Variants in LIMCH1 observed in about 807,000 individuals in gnomAD.
The protein encoded by LIMCH1 is LIM and calponin homology domains-containing protein 1.
A neutral mutation model predicts 176.5 loss-of-function variants in LIMCH1; 113 were observed. That is an observed-to-expected ratio of 0.64 (90% CI 0.55 to 0.75). The LOEUF (loss-of-function observed/expected upper bound fraction) is 0.75, where lower values mean the gene tolerates loss of function less well. Among genes scored for constraint, LIMCH1 ranks in the 30% least tolerant of loss-of-function variants. The pLI, the probability that LIMCH1 is intolerant of heterozygous loss-of-function variation, is 0.00. For missense variants in LIMCH1, 1,674 were observed against 1,814.9 expected, an observed-to-expected ratio of 0.92 and a Z score of 1.41; for synonymous variants, 619 against 645.9, an observed-to-expected ratio of 0.96 and a Z score of 0.63.
chr4:41,456,554 G>A (rs1229360592), intron 1 of LIMCH1, among the ~76,000 whole-genome samples: 1 of 152,214 alleles, frequency 6.6e-6, no homozygotes, highest in Non-Finnish European at 1.5e-5. Flanking sequence ...CGCTAAGGCA[G>A]AGGGAGGGAG....
chr4:41,588,650 C>T (rs1437097712), intron 1 of LIMCH1, among the ~76,000 whole-genome samples: 1 of 152,186 alleles, frequency 6.6e-6, no homozygotes, highest in African/African-American at 2.4e-5. Flanking sequence ...AATTGGAGAA[C>T]ATGAGTTTAG....
chr4:41,515,529 G>A (rs1216937698), intron 2 of LIMCH1, among the ~76,000 whole-genome samples: 3 of 152,318 alleles, frequency 2.0e-5, no homozygotes, highest in Non-Finnish European at 2.9e-5. Context: ...TGGTAATAAT[G>A]CCGGCCATTG....
intron 17 of LIMCH1, 55 bp from the exon 18 acceptor site, chr4:41,650,338 C>A (rs2094238699): frequency 5.6e-6 from 7 of 1,254,084 alleles, no homozygotes; most frequent in Non-Finnish European, 8.1e-6. Context: ...CGTTTTGTTA[C>A]AGTCTTTGAT....
rs535833917 is a variant in LIMCH1, at chr4:41,440,019, A to G, written c.97-54517A>G. Among the ~76,000 whole-genome samples, 6 of 152,342 alleles carry G rather than the reference A, an allele frequency of 3.9e-5. No homozygotes were observed. In the South Asian group the frequency reaches 1.2e-3, roughly 32 times the overall value. On this transcript the variant is annotated intron_variant, in intron 1 of 26. Transcript: ENST00000313860. ...CTTCCTTACTGAACATCTCCTGTAC[A>G]CTAGGCATTTTGCTTGATGCTTCAT... is the stretch of plus-strand genomic sequence containing the variant.
At chr4:41,625,755 CA>C (rs1439782162) in intron 7 of LIMCH1, among the ~76,000 whole-genome samples, 2 of 152,148 alleles carry the variant, frequency 1.3e-5, no homozygotes, top group Admixed American at 1.3e-4. Flanking sequence ...ACAAGATGCA[CA>C]AGGGACCAGA....
At chr4:41,428,301 T>C (rs62411115) in intron 1 of LIMCH1, among the ~76,000 whole-genome samples, 17 of 152,218 alleles carry the variant, frequency 1.1e-4, no homozygotes, top group Non-Finnish European at 2.5e-4. Context: ...CCCTCATCTG[T>C]ATAATGGTAA....
chr4:41,603,112 A>G (rs2090209998), intron 2 of LIMCH1, among the ~76,000 whole-genome samples: 1 of 152,214 alleles, frequency 6.6e-6, no homozygotes, highest in Admixed American at 6.5e-5. Flanking sequence ...TGACTGGTTT[A>G]TATGATAGTC....
intron 1 of LIMCH1, among the ~76,000 whole-genome samples, chr4:41,377,910 T>C (rs1329671071): frequency 6.6e-6 from 1 of 152,240 alleles, no homozygotes; most frequent in African/African-American, 2.4e-5. Flanking sequence ...GAGGGCAGAA[T>C]GCTCATGACC....
intron 2 of LIMCH1, among the ~76,000 whole-genome samples, chr4:41,508,244 G>A (rs1350856384): frequency 6.6e-6 from 1 of 152,156 alleles, no homozygotes; most frequent in East Asian, 1.9e-4. Flanking sequence ...CAAGAGCAAT[G>A]GAAATGAAGA....
chr4:41,694,208 C>G (rs2153095682), intron 31 of LIMCH1, among the ~76,000 whole-genome samples: 1 of 152,056 alleles, frequency 6.6e-6, no homozygotes, highest in East Asian at 1.9e-4. Context: ...AAAACAAGGC[C>G]CATTGTTTTC....
intron 2 of LIMCH1, among the ~76,000 whole-genome samples, chr4:41,499,416 C>A (rs1376689096): frequency 6.6e-6 from 1 of 152,140 alleles, no homozygotes; most frequent in East Asian, 1.9e-4. Flanking sequence ...GAACATTATC[C>A]TCCGTAACCA....
chr4:41,691,289 C>G (rs1276651504), intron 30 of LIMCH1, among the ~76,000 whole-genome samples: 3 of 152,182 alleles, frequency 2.0e-5, no homozygotes, highest in Non-Finnish European at 4.4e-5. Context: ...CCTGGTCCCC[C>G]TGCAAGAGGC....
Position 41,685,778 on chromosome 4 carries a change from C to T in LIMCH1, c.4036C>T (p.Pro1346Ser). ...SSEDVKPKTL[P>S]LDKSINHQIE... ...AGAAGATGTGAAGCCAAAAACCCTC[C>T]CGCTGGATAAAAGCATTAACCATCA... The change falls in exon 28 of 32, where the codon CCG becomes TCG. Residue 1346 changes from proline (P) to serine (S), a missense_variant. Physicochemically the swap from Pro to Ser is moderately conservative, Grantham distance 74. This residue lies in a region of LIMCH1 where 1,015 missense variants were observed against 1,102.5 expected (regional missense o/e 0.92). Transcript: ENST00000503057. The T allele has an allele frequency of 6.2e-7, 1 of 1,613,560 alleles. No homozygotes were observed. The highest frequency in any genetic ancestry group is 8.5e-7 in the Non-Finnish European group (1 of 1,179,670).
chr4:41,630,228 A>G (rs1329313964), intron 9 of LIMCH1, among the ~76,000 whole-genome samples: 7 of 152,146 alleles, frequency 4.6e-5, no homozygotes, highest in African/African-American at 1.7e-4. Flanking sequence ...AGCCTCCCAA[A>G]GTGCTGGGAT....
At chr4:41,622,103 C>T (rs560559654) in intron 7 of LIMCH1, among the ~76,000 whole-genome samples, 45 of 152,096 alleles carry the variant, frequency 3.0e-4, no homozygotes, top group African/African-American at 9.6e-4. Flanking sequence ...ATGTTACAAA[C>T]AGCTCTCTGA....
At chr4:41,677,141 C>T (rs967418614) in intron 23 of LIMCH1, among the ~76,000 whole-genome samples, 6 of 148,650 alleles carry the variant, frequency 4.0e-5, no homozygotes, top group South Asian at 2.1e-4. Context: ...CCAACCTAGA[C>T]AACAGAGTGA....
At position 41,629,528 on chromosome 4, in the gene LIMCH1, G is replaced by A. The variant is rs1240016369; in HGVS notation, c.1065G>A (p.Val355=). The change falls in exon 9 of 32, where the codon GTG becomes GTA. Residue 355 remains valine, a synonymous_variant. Transcript: ENST00000503057. ...QGHTEEVKLI[V]TCNMRAQESE... ...ACACAGAAGAGGTGAAGTTGATAGTGACCTGTAACATGAGGGCTCAGGAAA... is the reference window on the plus strand; with the variant it reads ...ACACAGAAGAGGTGAAGTTGATAGTAACCTGTAACATGAGGGCTCAGGAAA... 1.3e-6 allele frequency: 2 copies of A among 1,535,910 alleles called. No individual in the cohort carries two copies. The highest frequency in any genetic ancestry group is 1.7e-6 in the Non-Finnish European group (2 of 1,146,892).
intron 14 of LIMCH1, among the ~76,000 whole-genome samples, chr4:41,639,497 A>G (rs936073675): frequency 6.6e-6 from 1 of 152,146 alleles, no homozygotes; most frequent in African/African-American, 2.4e-5. Context: ...CTCAAGTCCC[A>G]TGGCTTAGCA....
At chr4:41,627,114 C>G in intron 8 of LIMCH1, 104 bp downstream of exon 8, 1 of 1,372,204 alleles carries the variant, frequency 7.3e-7, no homozygotes, top group Admixed American at 2.8e-5. Context: ...TATTGTACCC[C>G]CTCCAGTTCC....
Sources: allele counts gnomAD v4.1 joint callset (sites outside exome capture counted in the v4.1 genomes callset), GRCh38; gene constraint gnomAD v4.1.1; regional missense constraint gnomAD v4.1.1; transcripts MANE v1.5; gene names NCBI Gene and HGNC (gene_info 2026-07-23, HGNC 2026-07-21).